EXT1: variants seen among roughly 807,000 people sequenced by gnomAD.
EXT1 encodes exostosin-1.
EXT1 carries 20 observed loss-of-function variants against 82.5 expected under a neutral mutation model. The ratio of observed to expected loss-of-function variants is 0.24; its 90% CI spans 0.17 to 0.35. The LOEUF (loss-of-function observed/expected upper bound fraction) is 0.35, where lower values mean the gene tolerates loss of function less well. Among genes scored for constraint, EXT1 ranks in the 10% least tolerant of loss-of-function variants. The probability of loss-of-function intolerance (pLI) is 1.00; values close to 1 mark genes in which losing one functional copy is unlikely to be tolerated. For missense variants in EXT1, 757 were observed against 936.5 expected, an observed-to-expected ratio of 0.81 and a Z score of 2.50; for synonymous variants, 348 against 350.8, an observed-to-expected ratio of 0.99 and a Z score of 0.09.
intron 1 of EXT1, among the ~76,000 whole-genome samples, chr8:118,032,698 C>T (rs1563635089): frequency 1.3e-5 from 2 of 151,654 alleles, no homozygotes; most frequent in Non-Finnish European, 2.9e-5. Flanking sequence ...TTAGTAGGGA[C>T]GAGGTTTCTC....
chr8:117,855,772 G>T (rs1390848847), intron 1 of EXT1, among the ~76,000 whole-genome samples: 1 of 152,116 alleles, frequency 6.6e-6, no homozygotes, highest in Non-Finnish European at 1.5e-5. Flanking sequence ...AGGTTCAAGC[G>T]ATTCTCCTGC....
chr8:117,910,591 G>A (rs555275052), intron 1 of EXT1, among the ~76,000 whole-genome samples: 4 of 152,296 alleles, frequency 2.6e-5, no homozygotes, highest in East Asian at 1.9e-4. Context: ...GAGGAGGGAG[G>A]AAGAAGAGTC....
chr8:117,968,261 G>A (rs913934078), intron 1 of EXT1, among the ~76,000 whole-genome samples: 5 of 151,772 alleles, frequency 3.3e-5, no homozygotes, highest in Admixed American at 6.6e-5. Flanking sequence ...ACACAACACC[G>A]TGCCCAGCTA....
At chr8:118,030,729 G>T (rs1329577769) in intron 1 of EXT1, among the ~76,000 whole-genome samples, 1 of 152,098 alleles carries the variant, frequency 6.6e-6, no homozygotes, top group Non-Finnish European at 1.5e-5. Context: ...TGATCTACCC[G>T]CCTCAGCCTC....
intron 1 of EXT1, among the ~76,000 whole-genome samples, chr8:118,076,541 G>A (rs921686291): frequency 2.0e-5 from 3 of 152,116 alleles, no homozygotes; most frequent in African/African-American, 4.8e-5. Flanking sequence ...CTCCTCAAAG[G>A]CCTTGAAGGC....
At chr8:117,888,110 A>G (rs907829154) in intron 1 of EXT1, among the ~76,000 whole-genome samples, 2 of 150,902 alleles carry the variant, frequency 1.3e-5, no homozygotes, top group Non-Finnish European at 1.5e-5. Context: ...AATAATAATT[A>G]ATAATAAATA....
rs28357255 is a variant in EXT1, at chr8:117,817,298, A to G, written c.1632+1137T>C. Among the ~76,000 whole-genome samples the G allele has an allele frequency of 5.3e-5, 8 of 152,266 alleles. No individual in the cohort carries two copies. In the East Asian group the frequency reaches 1.5e-3, roughly 29 times the overall value. On this transcript the variant is annotated intron_variant, in intron 7 of 10. Transcript: ENST00000378204. Reference sequence around the variant, plus strand: ...TTACAATTGCATTATGTCAAACCATATGAAATTGCCACTTTTGGTGAGTCG... The same window carrying G: ...TTACAATTGCATTATGTCAAACCATGTGAAATTGCCACTTTTGGTGAGTCG...
chr8:118,078,371 G>A (rs1258837824), intron 1 of EXT1, among the ~76,000 whole-genome samples: 2 of 151,612 alleles, frequency 1.3e-5, no homozygotes, highest in East Asian at 3.9e-4. Flanking sequence ...GCTAATTTTT[G>A]TATTTTTAGT....
chr8:117,972,308 G>C (rs972986107), intron 1 of EXT1, among the ~76,000 whole-genome samples: 1 of 152,144 alleles, frequency 6.6e-6, no homozygotes, highest in Non-Finnish European at 1.5e-5. Context: ...CATTTTTCAG[G>C]GCAATAAATA....
chr8:117,931,563 G>GT (rs1314143747), intron 1 of EXT1, among the ~76,000 whole-genome samples: 1 of 152,022 alleles, frequency 6.6e-6, no homozygotes, highest in Non-Finnish European at 1.5e-5. Context: ...CCTAGGCGTG[G>GT]TTATTGGCTA....
chr8:117,863,920 C>A lies in EXT1; in HGVS notation c.963-26719G>T, dbSNP rs553785579. On this transcript the variant is annotated intron_variant, in intron 1 of 10. Transcript: ENST00000378204. ...CACTGCCAGCTTTTACTACCTGGAC[C>A]CGATTTTCAAAAGGATGAAGTTGTT... Among the ~76,000 whole-genome samples the A allele has an allele frequency of 5.3e-5, 8 of 152,246 alleles. No homozygotes were observed. The East Asian group carries it at 1.5e-3, about 29-fold the overall frequency.
At chr8:118,107,601 T>G (rs1339542771) in intron 1 of EXT1, among the ~76,000 whole-genome samples, 1 of 152,200 alleles carries the variant, frequency 6.6e-6, no homozygotes, top group Non-Finnish European at 1.5e-5. Flanking sequence ...AGCATCAATA[T>G]AAGTAGCACA....
At chr8:117,852,958 G>A (rs1392478634) in intron 1 of EXT1, among the ~76,000 whole-genome samples, 1 of 152,122 alleles carries the variant, frequency 6.6e-6, no homozygotes, top group Non-Finnish European at 1.5e-5. Context: ...GGTTCTGTGA[G>A]AGCACACATG....
intron 1 of EXT1, among the ~76,000 whole-genome samples, chr8:117,912,008 G>C (rs2129991869): frequency 6.6e-6 from 1 of 152,274 alleles, no homozygotes; most frequent in East Asian, 1.9e-4. Flanking sequence ...AGAAGAAAAA[G>C]AGGAAAAGGA....
intron 1 of EXT1, among the ~76,000 whole-genome samples, chr8:118,070,273 T>C (rs978087470): frequency 1.4e-5 from 2 of 138,088 alleles, no homozygotes; most frequent in Admixed American, 7.2e-5. Context: ...TGTGTGTGTG[T>C]GTGCATATCA....
intron 1 of EXT1, among the ~76,000 whole-genome samples, chr8:117,993,364 CT>C (rs1815473527): frequency 6.6e-6 from 1 of 152,236 alleles, no homozygotes; most frequent in African/African-American, 2.4e-5. Flanking sequence ...ACACAAGTCT[CT>C]GGCCCGGCAG....
intron 1 of EXT1, among the ~76,000 whole-genome samples, chr8:118,011,553 G>T (rs959163297): frequency 3.9e-5 from 6 of 152,130 alleles, no homozygotes; most frequent in African/African-American, 1.4e-4. Flanking sequence ...TAATTTCTAG[G>T]ACTCTCTGAG....
chr8:117,902,569 G>C (rs1813469579), intron 1 of EXT1, among the ~76,000 whole-genome samples: 1 of 140,078 alleles, frequency 7.1e-6, no homozygotes, highest in South Asian at 2.3e-4. Context: ...TTGTTGACTT[G>C]GCCATGCATT....
chr8:117,800,939 T>C (rs746021343), intron 10 of EXT1, among the ~76,000 whole-genome samples: 1 of 152,244 alleles, frequency 6.6e-6, no homozygotes, highest in Non-Finnish European at 1.5e-5. Context: ...ATGGAAAAGA[T>C]GGGCTGCCCA....
Sources: gnomAD v4.1 joint callset for allele counts (sites outside exome capture counted in the v4.1 genomes callset) on GRCh38, gnomAD v4.1.1 for gene constraint, MANE v1.5 for transcripts, NCBI Gene and HGNC (gene_info 2026-07-23, HGNC 2026-07-21) for gene names.